Variants in FDFT1 observed in about 807,000 individuals in gnomAD.
The protein encoded by FDFT1 is farnesyl-diphosphate farnesyltransferase 1, also known as squalene synthase.
Under a neutral mutation model 46.8 loss-of-function variants are expected in FDFT1, and 68 were observed. The ratio of observed to expected loss-of-function variants is 1.45; its 90% CI spans 1.19 to 1.78. The LOEUF is 1.78. Among genes scored for constraint, FDFT1 ranks in the 40% most tolerant of loss-of-function variants. The pLI is 0.00. For missense variants in FDFT1, 928 were observed against 524.4 expected (o/e 1.77, Z -7.52); for synonymous variants, 351 against 185.1 (o/e 1.90, Z -7.28).
chr8:11,799,616 C>T (rs1413814818), upstream of FDFT1, among the ~76,000 whole-genome samples: 5 of 152,192 alleles, frequency 3.3e-5, no homozygotes, highest in South Asian at 4.1e-4. Context: ...TCTCCTGTCC[C>T]GTTATTTGAA....
intron 4 of FDFT1, among the ~76,000 whole-genome samples, chr8:11,824,679 A>G (rs1009825981): frequency 1.3e-5 from 2 of 152,162 alleles, no homozygotes; most frequent in African/African-American, 2.4e-5. Flanking sequence ...AATGGAGATC[A>G]TACTGCTATG....
At chr8:11,809,450 A>G (rs1807393207) in intron 2 of FDFT1, 1 of 1,281,776 alleles carries the variant, frequency 7.8e-7, no homozygotes, top group Non-Finnish European at 9.8e-7. Flanking sequence ...ACATTCAACT[A>G]GTAGGCTTTT....
intron 7 of FDFT1, 21 bp downstream of exon 7, chr8:11,831,691 T>C (rs956397681): frequency 1.3e-6 from 2 of 1,591,036 alleles, no homozygotes; most frequent in Non-Finnish European, 1.7e-6. Flanking sequence ...ATTTAACTAC[T>C]TGGATAATTT....
At position 11,838,425 on chromosome 8, in the gene FDFT1, G is replaced by C. The variant is rs1274897985; in HGVS notation, c.1070G>C (p.Ser357Thr). 6.2e-7 allele frequency: 1 copy of C among 1,611,914 alleles called. No individual in the cohort carries two copies. Among genetic ancestry groups the C allele is most frequent in the Non-Finnish European group, 8.5e-7 (1 of 1,179,358 alleles). ...ATCCCCGACTCAGACCCATCTTCTAGCAAAACAAGGCAGATCATCTCCACC... is the reference window on the plus strand; with the variant it reads ...ATCCCCGACTCAGACCCATCTTCTACCAAAACAAGGCAGATCATCTCCACC... The part of the protein sequence containing the change: ...HRIPDSDPSS[S>T]KTRQIISTIR... The change falls in exon 8 of 8, where the codon AGC (serine) becomes ACC (threonine). Residue 357 changes from serine (S) to threonine (T), a missense_variant. Ser to Thr is a moderately conservative substitution (Grantham distance 58). Transcript: ENST00000220584.
intron 7 of FDFT1, among the ~76,000 whole-genome samples, chr8:11,834,116 C>T (rs117231773): frequency 0.019 from 2,907 of 152,324 alleles, 40 homozygotes; most frequent in Middle Eastern, 0.044. Flanking sequence ...AAGGAAGAAA[C>T]GTTGACTCTG....
At chr8:11,829,020 T>G (rs1810403049) in intron 5 of FDFT1, among the ~76,000 whole-genome samples, 1 of 152,180 alleles carries the variant, frequency 6.6e-6, no homozygotes, top group African/African-American at 2.4e-5. Flanking sequence ...GGGTCTATGC[T>G]GAGAAGTGGA....
chr8:11,831,595 G>C lies in FDFT1; in HGVS notation c.957G>C (p.Gly319=). Residue 319 remains glycine (G), a synonymous_variant, in exon 7 of 8, where the codon GGG becomes GGC. Coordinates refer to ENST00000220584, the MANE Select transcript of FDFT1 (RefSeq NM_004462.5). ...AAGGGGCAGTGAAGATTCGGAAAGG[G>C]CAAGCAGTGACCCTGATGATGGATG... The part of the protein sequence containing the change: ...VFKGAVKIRK[G]QAVTLMMDAT... The C allele has an allele frequency of 1.9e-6, 3 of 1,614,038 alleles. No homozygotes were observed. The highest frequency in any genetic ancestry group is 2.5e-6 in the Non-Finnish European group (3 of 1,179,880).
At chr8:11,819,410 G>A (rs574884737) in intron 3 of FDFT1, among the ~76,000 whole-genome samples, 107 of 152,214 alleles carry the variant, frequency 7.0e-4, no homozygotes, top group African/African-American at 2.5e-3. Flanking sequence ...GCTAGGTTGG[G>A]GAAGTTCTCC....
intron 3 of FDFT1, among the ~76,000 whole-genome samples, chr8:11,817,530 C>G (rs966623735): frequency 6.6e-6 from 1 of 152,140 alleles, no homozygotes; most frequent in African/African-American, 2.4e-5. Context: ...TTAATTATTG[C>G]CTCAATTTCA....
chr8:11,817,062 G>T (rs1024690004), intron 3 of FDFT1, among the ~76,000 whole-genome samples: 17 of 152,190 alleles, frequency 1.1e-4, no homozygotes, highest in African/African-American at 4.1e-4. Context: ...CTAGTTTACT[G>T]AGAGTTTTTA....
chr8:11,831,647 AT>A lies in FDFT1; in HGVS notation c.1010del (p.Ile337ThrfsTer40). ...CACCAATATGCCAGCTGTCAAAGCCATCATATATCAGTATATGGAAGAGGTG... is the reference window on the plus strand; with the variant it reads ...CACCAATATGCCAGCTGTCAAAGCCACATATATCAGTATATGGAAGAGGTG... ...DATNMPAVKA[I>X]IYQYMEEIYH... On this transcript the variant is annotated frameshift_variant, in exon 7 of 8. Coordinates refer to ENST00000220584, the MANE Select transcript of FDFT1 (RefSeq NM_004462.5). LOFTEE classifies it high-confidence loss of function. 1 of 1,614,052 alleles carries A rather than the reference AT, an allele frequency of 6.2e-7. No individual in the cohort carries two copies. Among genetic ancestry groups the A allele is most frequent in the Non-Finnish European group, 8.5e-7 (1 of 1,179,862 alleles).
intron 7 of FDFT1, among the ~76,000 whole-genome samples, chr8:11,834,898 C>G (rs112097393): frequency 6.6e-6 from 1 of 152,076 alleles, no homozygotes; most frequent in African/African-American, 2.4e-5. Flanking sequence ...CTGAGGCAGG[C>G]AGATCACTTG....
At chr8:11,830,795 G>A (rs73549728) in intron 6 of FDFT1, among the ~76,000 whole-genome samples, 22,642 of 152,202 alleles carry the variant, frequency 0.15, 1,841 homozygotes, top group African/African-American at 0.18. Flanking sequence ...AATTACTGCT[G>A]TCCTTTTCCT....
At chr8:11,801,446 G>C (rs527982792), upstream of FDFT1, among the ~76,000 whole-genome samples, 6 of 151,934 alleles carry the variant, frequency 3.9e-5, no homozygotes, top group East Asian at 7.8e-4. Flanking sequence ...CAGCCTCCCA[G>C]GTAGCTGGGA....
chr8:11,797,839 G>A (rs1042585756), upstream of FDFT1: 1 of 152,232 alleles, frequency 6.6e-6, no homozygotes, highest in Non-Finnish European at 1.5e-5. Flanking sequence ...GGCCGGATGT[G>A]AAGTACTGTA....
chr8:11,825,700 A>AT (rs1375565253), intron 4 of FDFT1, among the ~76,000 whole-genome samples: 148 of 152,066 alleles, frequency 9.7e-4, no homozygotes, highest in South Asian at 2.9e-3. Flanking sequence ...AAAAAAATAA[A>AT]AAATAAAAAT....
chr8:11,835,956 A>T (rs1365524570), intron 7 of FDFT1, among the ~76,000 whole-genome samples: 51 of 115,708 alleles, frequency 4.4e-4, no homozygotes, highest in Non-Finnish European at 6.4e-4. Context: ...TTATGTGATG[A>T]AACCCTGTCT....
chr8:11,807,599 A>G (rs927433371), intron 1 of FDFT1, among the ~76,000 whole-genome samples: 5 of 152,162 alleles, frequency 3.3e-5, no homozygotes, highest in African/African-American at 1.2e-4. Flanking sequence ...AAAATAGTCC[A>G]TGAAAAAATA....
chr8:11,796,285 T>C (rs1204754141), intron 1 of FDFT1, among the ~76,000 whole-genome samples: 3 of 152,244 alleles, frequency 2.0e-5, no homozygotes, highest in African/African-American at 7.2e-5. Context: ...CTGAGCTTTC[T>C]AGGACTGATC....
Sources: gnomAD v4.1 joint callset for allele counts (sites outside exome capture counted in the v4.1 genomes callset) on GRCh38, gnomAD v4.1.1 for gene constraint, MANE v1.5 for transcripts, NCBI Gene and HGNC (gene_info 2026-07-23, HGNC 2026-07-21) for gene names.